NRBP1: variants seen among roughly 807,000 people sequenced by gnomAD.
NRBP1 encodes the protein nuclear receptor binding protein 1, also known as nuclear receptor-binding protein.
NRBP1 carries 10 observed loss-of-function variants against 76.0 expected under a neutral mutation model. That is an observed-to-expected ratio of 0.13 (90% CI 0.08 to 0.22). The LOEUF (loss-of-function observed/expected upper bound fraction) is 0.22, where lower values mean the gene tolerates loss of function less well. NRBP1 is among the 10% of genes least tolerant of loss of function. The pLI is 1.00. For missense variants in NRBP1, 344 were observed against 646.0 expected (o/e 0.53, Z 5.07); for synonymous variants, 235 against 240.2 (o/e 0.98, Z 0.20).
chr2:27,435,241 G>A lies in NRBP1; in HGVS notation c.661+14G>A, dbSNP rs1159728690. The A allele has an allele frequency of 3.1e-6, 5 of 1,610,682 alleles. No individual in the cohort carries two copies. Among genetic ancestry groups the A allele is most frequent in the East Asian group, 4.5e-5 (2 of 44,878 alleles). On this transcript the variant is annotated intron_variant, in intron 7 of 17. Coordinates refer to ENST00000379852, the MANE Select transcript of NRBP1 (RefSeq NM_013392.4). ...AGATTGGCTCTGGTGAGGGGAGGGA[G>A]AGGTTCTGGGCAGGGGAGCCTCGGG...
At chr2:27,428,911 C>G (rs1037793397) in intron 1 of NRBP1, among the ~76,000 whole-genome samples, 180 bp downstream of exon 1, 11 of 151,994 alleles carry the variant, frequency 7.2e-5, no homozygotes, top group Non-Finnish European at 1.5e-5. Context: ...GCTTCGGCCC[C>G]GCAGTCGCTG....
chr2:27,437,606 T>C (rs992276107), intron 10 of NRBP1, among the ~76,000 whole-genome samples: 5 of 152,154 alleles, frequency 3.3e-5, no homozygotes, highest in African/African-American at 1.2e-4. Flanking sequence ...GCATGGTGGC[T>C]CACGCCTGTA....
intron 10 of NRBP1, among the ~76,000 whole-genome samples, chr2:27,438,400 G>A (rs1664397783): frequency 6.6e-6 from 1 of 152,290 alleles, no homozygotes; most frequent in South Asian, 2.1e-4. Flanking sequence ...AAGACATAAG[G>A]TTATGAATCA....
rs758065640 is a variant in NRBP1, at chr2:27,439,872, C to T, written c.1010C>T (p.Ala337Val). 12 of 1,613,968 alleles carry T rather than the reference C, an allele frequency of 7.4e-6. No individual in the cohort carries two copies. Among genetic ancestry groups the T allele is most frequent in the South Asian group, 4.4e-5 (4 of 91,082 alleles). ...LFEVPSLKLL[A>V]AHCIVGHQHM... ...GAAGTGCCCTCGCTCAAACTCCTTG[C>T]GGCCCACTGCATTGTGGGACACCAA... The change falls in exon 11 of 18, where the codon GCG becomes GTG. Residue 337 changes from alanine (A) to valine (V), a missense_variant. By Grantham distance (64) the Ala-to-Val change is moderately conservative. Coordinates refer to ENST00000379852, the MANE Select transcript of NRBP1 (RefSeq NM_013392.4).
At chr2:27,441,531 C>G (rs770056967) in intron 16 of NRBP1, 36 bp from the exon 17 acceptor site, 4 of 1,611,846 alleles carry the variant, frequency 2.5e-6, no homozygotes, top group Non-Finnish European at 3.4e-6. Flanking sequence ...TCCCTCAGTC[C>G]CGTACTGTAC....
upstream of NRBP1, chr2:27,428,545 C>T: frequency 2.5e-6 from 1 of 396,640 alleles, no homozygotes; most frequent in East Asian, 3.6e-5. Flanking sequence ...CCCCGCCCAC[C>T]CAGAACGTCA....
At chr2:27,433,593 G>C in intron 2 of NRBP1, 80 bp from the exon 3 acceptor site, 1 of 1,601,314 alleles carries the variant, frequency 6.2e-7, no homozygotes, top group Non-Finnish European at 8.5e-7. Context: ...TGGGGGCTAG[G>C]AGGAGATGAT....
chr2:27,436,706 T>G, intron 7 of NRBP1, 47 bp from the exon 8 acceptor site: 1 of 1,539,888 alleles, frequency 6.5e-7, no homozygotes, highest in Non-Finnish European at 9.0e-7. Flanking sequence ...AGTGAGACTA[T>G]TCTTCATTGA....
chr2:27,439,190 G>A (rs1342108382), intron 10 of NRBP1, among the ~76,000 whole-genome samples: 2 of 151,944 alleles, frequency 1.3e-5, no homozygotes, highest in Non-Finnish European at 2.9e-5. Flanking sequence ...AGAAACTAAG[G>A]AAAAAGAAAG....
intron 1 of NRBP1, among the ~76,000 whole-genome samples, chr2:27,431,081 A>G (rs992386048): frequency 2.6e-5 from 4 of 151,956 alleles, no homozygotes; most frequent in Admixed American, 1.3e-4. Flanking sequence ...CGGGCGGATC[A>G]TGAAGTCAGG....
intron 10 of NRBP1, among the ~76,000 whole-genome samples, chr2:27,439,145 G>T (rs1215919593): frequency 2.0e-5 from 3 of 152,082 alleles, no homozygotes; most frequent in Non-Finnish European, 4.4e-5. Flanking sequence ...TAGAAAAGAA[G>T]ATAGGCAGTG....
upstream of NRBP1, chr2:27,428,366 T>C: frequency 3.1e-6 from 1 of 325,324 alleles, no homozygotes. Context: ...AGGCCCTCTC[T>C]GCGTCCAGCA....
In NRBP1 at chr2:27,433,843, T is replaced by C. The variant is rs1399513320; in HGVS notation, c.333+48T>C. ...AGCCTGGGGAATGTTGGAACACTGA[T>C]GTTAGAGAGGAATTGGTGTTGGGAA... On this transcript the variant is annotated intron_variant, in intron 3 of 17. Coordinates refer to ENST00000379852, the MANE Select transcript of NRBP1 (RefSeq NM_013392.4). 3.1e-6 allele frequency: 5 copies of C among 1,612,944 alleles called. No homozygotes were observed. In the Admixed American group the frequency reaches 8.3e-5, roughly 27 times the overall value.
At chr2:27,441,662 C>G in intron 17 of NRBP1, 40 bp downstream of exon 17, 1 of 1,612,370 alleles carries the variant, frequency 6.2e-7, no homozygotes, top group African/African-American at 1.3e-5. Context: ...TGCCCCCATG[C>G]CTTCTCTTCT....
At chr2:27,440,546 C>A in intron 12 of NRBP1, 38 bp downstream of exon 12, 2 of 1,596,694 alleles carry the variant, frequency 1.3e-6, no homozygotes, top group South Asian at 2.2e-5. Flanking sequence ...GCAGATTGGT[C>A]ACGACCACTC....
At chr2:27,428,567 C>A, upstream of NRBP1, 1 of 397,064 alleles carries the variant, frequency 2.5e-6, no homozygotes, top group Non-Finnish European at 4.4e-6. Flanking sequence ...CCAATGGAAA[C>A]CTGCCGGCGG....
At position 27,433,099 on chromosome 2, in the gene NRBP1, G is replaced by GCC. The variant is rs1408262941; in HGVS notation, c.-20-155_-20-154insCC. Reference sequence around the variant, plus strand: ...TCACCATGTTGATCAGGCTGGTCTTGAACTCCTGACCTCAGGTGATCTGCC... The same window carrying GCC: ...TCACCATGTTGATCAGGCTGGTCTTGCCAACTCCTGACCTCAGGTGATCTGCC... On this transcript the variant is annotated intron_variant, in intron 1 of 17. Transcript: ENST00000379852. The GCC allele has an allele frequency of 1.1e-5, 6 of 538,532 alleles. No individual in the cohort carries two copies. In the East Asian group the frequency reaches 2.0e-4, roughly 18 times the overall value. The allele number at this position is 538,532 out of a possible 1,614,324, so 33.4% of individuals were successfully genotyped here.
At chr2:27,430,476 T>C (rs1166440952) in intron 1 of NRBP1, among the ~76,000 whole-genome samples, 1 of 119,418 alleles carries the variant, frequency 8.4e-6, no homozygotes, top group African/African-American at 3.5e-5. Flanking sequence ...TTTCTTTTTT[T>C]TTTTTTTTTT....
At chr2:27,429,159 TG>T (rs1218873027) in intron 1 of NRBP1, 1 of 152,928 alleles carries the variant, frequency 6.5e-6, no homozygotes, top group Non-Finnish European at 1.5e-5. Context: ...CGCCCCTGAC[TG>T]CGCTGTCGGT....
Sources: gnomAD v4.1 joint callset for allele counts (sites outside exome capture counted in the v4.1 genomes callset) on GRCh38, gnomAD v4.1.1 for gene constraint, MANE v1.5 for transcripts, NCBI Gene and HGNC (gene_info 2026-07-23, HGNC 2026-07-21) for gene names.